TAFA5: variants seen among roughly 807,000 people sequenced by gnomAD.
TAFA5 encodes chemokine-like protein TAFA-5.
TAFA5 carries 6 observed loss-of-function variants against 15.3 expected under a neutral mutation model. The ratio of observed to expected loss-of-function variants is 0.39; its 90% CI spans 0.21 to 0.77. The LOEUF is 0.77. Ranked by LOEUF, TAFA5 falls within the 30% of genes least tolerant of loss-of-function variation. The pLI, the probability that TAFA5 is intolerant of heterozygous loss-of-function variation, is 0.41. For synonymous variants in TAFA5, 103 were observed against 80.7 expected, an observed-to-expected ratio of 1.28 and a Z score of -1.48; for missense variants, 161 against 193.1, an observed-to-expected ratio of 0.83 and a Z score of 0.98.
At position 48,742,010 on chromosome 22, in the gene TAFA5, TGGGG is replaced by T. The variant is rs1369269463; in HGVS notation, c.391-7827_391-7824del. Reference sequence around the variant, plus strand: ...AGTTTTTTGTTAAGAACCCCATGGTTGGGGGTAAACACTGTTCCTATCCCGTGTT... The same window carrying T: ...AGTTTTTTGTTAAGAACCCCATGGTTGTAAACACTGTTCCTATCCCGTGTT... On this transcript the variant is annotated intron_variant, in intron 3 of 3. Transcript: ENST00000402357. This position sits in a 1 kb window ranked among gnomAD's most constrained non-coding sequence, Gnocchi z 6.2. Among the ~76,000 whole-genome samples the T allele has an allele frequency of 6.6e-6, 1 of 152,208 alleles. No individual in the cohort carries two copies. Among genetic ancestry groups the T allele is most frequent in the African/African-American group, 2.4e-5 (1 of 41,452 alleles).
intron 1 of TAFA5, among the ~76,000 whole-genome samples, chr22:48,617,184 G>A (rs1925640033): frequency 6.7e-6 from 1 of 149,686 alleles, no homozygotes; most frequent in South Asian, 2.1e-4. Context: ...ATGGGGGCGT[G>A]ACTGCGGCTT....
chr22:48,538,786 CAAGT>C (rs1922258703), intron 1 of TAFA5: 1 of 152,394 alleles, frequency 6.6e-6, no homozygotes, highest in African/African-American at 2.4e-5. Flanking sequence ...TCCCACTGGC[CAAGT>C]AAGTCCCATG....
At chr22:48,491,832 A>G (rs1291896121) in intron 1 of TAFA5, among the ~76,000 whole-genome samples, 2 of 152,154 alleles carry the variant, frequency 1.3e-5, no homozygotes, top group Admixed American at 6.5e-5. Flanking sequence ...TGGTTTCCAC[A>G]CTCATCCCTC....
rs187035281 is a variant in TAFA5 at position 48,748,230 on chromosome 22, T to C, written c.391-1609T>C. ...GTTGGGCATCCACAGCCCGGTGTGA[T>C]GGCAAGCTCACTCTGGGGCCAATTC... is the stretch of plus-strand genomic sequence containing the variant. On this transcript the variant is annotated intron_variant, in intron 3 of 3. Coordinates refer to ENST00000402357, the MANE Select transcript of TAFA5 (RefSeq NM_001082967.3). Among the ~76,000 whole-genome samples, 340 of 152,354 alleles carry C rather than the reference T, an allele frequency of 2.2e-3. 1 individual carries two copies. The highest frequency in any genetic ancestry group is 8.0e-3 in the African/African-American group (334 of 41,594).
At position 48,566,202 on chromosome 22, in the gene TAFA5, G is replaced by GTAGGTAGA. The variant is rs1164327976; in HGVS notation, c.112+76499_112+76500insAGGTAGAT. 6.6e-6 allele frequency among the ~76,000 whole-genome samples: 1 copy of GTAGGTAGA among 151,332 alleles called. No individual in the cohort carries two copies. On this transcript the variant is annotated intron_variant, in intron 1 of 3. Coordinates refer to ENST00000402357, the MANE Select transcript of TAFA5 (RefSeq NM_001082967.3). The surrounding 1 kb of genome is among the most constrained non-coding windows in gnomAD (Gnocchi z 4.5). ...TGGATGGTGGATGGATGGGTGGATG[G>GTAGGTAGA]TGGATGATGGGTGGATGGTAGGTAG...
chr22:48,689,665 A>C (rs373576630), intron 2 of TAFA5, among the ~76,000 whole-genome samples: 85,184 of 151,414 alleles, frequency 0.56, 24,194 homozygotes, highest in Middle Eastern at 0.61. Context: ...TCGGGCGGAC[A>C]GACTGGCCTG....
At chr22:48,630,326 G>A (rs370397744) in intron 1 of TAFA5, among the ~76,000 whole-genome samples, 17 of 152,348 alleles carry the variant, frequency 1.1e-4, no homozygotes, top group African/African-American at 4.1e-4. Flanking sequence ...AGCACATGAT[G>A]CCTTGTGGGT....
chr22:48,543,482 G>A (rs1287298011), intron 1 of TAFA5: 1 of 152,220 alleles, frequency 6.6e-6, no homozygotes, highest in East Asian at 1.9e-4. Context: ...GGCCTTGGCG[G>A]GGTAGGGGCA....
chr22:48,577,569 G>T (rs185004711), intron 1 of TAFA5, among the ~76,000 whole-genome samples: 64 of 152,336 alleles, frequency 4.2e-4, no homozygotes, highest in African/African-American at 1.4e-3. Flanking sequence ...CTGGTAAGGC[G>T]CTGGGTTCTC....
At chr22:48,675,749 A>G (rs2147225371) in intron 2 of TAFA5, among the ~76,000 whole-genome samples, 1 of 152,370 alleles carries the variant, frequency 6.6e-6, no homozygotes, top group South Asian at 2.1e-4. Context: ...CTGCTGGCTG[A>G]GGCCTGAGGC....
At chr22:48,583,422 C>A (rs371952841) in intron 1 of TAFA5, among the ~76,000 whole-genome samples, 40,565 of 147,796 alleles carry the variant, frequency 0.27, 7,219 homozygotes, top group Non-Finnish European at 0.38. Flanking sequence ...ACGCCACACA[C>A]ACACCACACA....
At chr22:48,553,839 T>C (rs146433429) in intron 1 of TAFA5, among the ~76,000 whole-genome samples, 58 of 152,244 alleles carry the variant, frequency 3.8e-4, no homozygotes, top group African/African-American at 1.3e-3. Context: ...GCCCCTGGAA[T>C]CCAACCGAGA....
chr22:48,581,331 C>T (rs544319247), intron 1 of TAFA5, among the ~76,000 whole-genome samples: 24 of 152,326 alleles, frequency 1.6e-4, no homozygotes, highest in African/African-American at 5.1e-4. Flanking sequence ...AGTGGACGGA[C>T]GGGGCCAGCT....
chr22:48,635,491 G>A (rs944711700), intron 1 of TAFA5, among the ~76,000 whole-genome samples: 1 of 152,220 alleles, frequency 6.6e-6, no homozygotes, highest in Non-Finnish European at 1.5e-5. Flanking sequence ...CTCCTCCTCC[G>A]TGAGGGTGTC....
chr22:48,643,553 G>A (rs1233307210), intron 1 of TAFA5, among the ~76,000 whole-genome samples: 2 of 152,200 alleles, frequency 1.3e-5, no homozygotes, highest in African/African-American at 2.4e-5. Context: ...CCAGCTAGGA[G>A]GGACAACAGC....
At chr22:48,541,763 C>G (rs1024407865) in intron 1 of TAFA5, among the ~76,000 whole-genome samples, 1 of 152,170 alleles carries the variant, frequency 6.6e-6, no homozygotes, top group Non-Finnish European at 1.5e-5. Flanking sequence ...GAGGCCTTGA[C>G]CTCAGGGGTG....
chr22:48,698,010 G>A lies in TAFA5; in HGVS notation c.263-9707G>A, dbSNP rs899686502. Among the ~76,000 whole-genome samples the A allele has an allele frequency of 3.3e-5, 5 of 150,486 alleles. No homozygotes were observed. In the East Asian group the frequency reaches 6.0e-4, roughly 18 times the overall value. The stretch of plus-strand genomic sequence containing the variant: ...TGGTGAGGATGGTGAGCATGATGGT[G>A]CGACGATGATGGTGAAGATAATGGT... On this transcript the variant is annotated intron_variant, in intron 2 of 3. Transcript: ENST00000402357.
chr22:48,595,676 C>T (rs569111934), intron 1 of TAFA5, among the ~76,000 whole-genome samples: 12 of 152,368 alleles, frequency 7.9e-5, no homozygotes, highest in Admixed American at 4.6e-4. Flanking sequence ...CTGCAGGGGA[C>T]GGGGTGCCTC....
intron 1 of TAFA5, among the ~76,000 whole-genome samples, chr22:48,589,955 C>T (rs562838471): frequency 5.9e-5 from 9 of 151,732 alleles, no homozygotes; most frequent in South Asian, 2.1e-4. Flanking sequence ...CAGGCCAAGC[C>T]GAAGATCTTG....
Sources: gnomAD v4.1 joint callset for allele counts (sites outside exome capture counted in the v4.1 genomes callset) on GRCh38, gnomAD v4.1.1 for gene constraint, Gnocchi (gnomAD v3.1) non-coding constraint, MANE v1.5 for transcripts, NCBI Gene and HGNC (gene_info 2026-07-23, HGNC 2026-07-21) for gene names.